Variants in SCHIP1 observed in about 807,000 individuals in gnomAD.
SCHIP1 encodes the protein schwannomin interacting protein 1.
In SCHIP1, 8 loss-of-function variants were observed where a neutral mutation model predicts 29.7. The ratio of observed to expected loss-of-function variants is 0.27; its 90% CI spans 0.16 to 0.49. The LOEUF (loss-of-function observed/expected upper bound fraction) is 0.49. SCHIP1 is among the 20% of genes least tolerant of loss of function. SCHIP1 has a pLI of 0.99. For synonymous variants in SCHIP1, 76 were observed against 94.9 expected, an observed-to-expected ratio of 0.80 and a Z score of 1.16; for missense variants, 193 against 294.6, an observed-to-expected ratio of 0.66 and a Z score of 2.52.
At chr3:159,418,844 T>C in the SCHIP1 span, among the ~76,000 whole-genome samples, 1 of 152,194 alleles carries the variant, frequency 6.6e-6, no homozygotes, top group Non-Finnish European at 1.5e-5. Flanking sequence ...TCTCCTTTCA[T>C]AAAATTCTCT....
the SCHIP1 span, among the ~76,000 whole-genome samples, chr3:159,503,776 A>G: frequency 4.6e-5 from 7 of 152,350 alleles, no homozygotes; most frequent in South Asian, 1.4e-3. Context: ...GTTGCCAACA[A>G]TCATTCAGAA....
the SCHIP1 span, among the ~76,000 whole-genome samples, chr3:159,587,803 C>A: frequency 5.3e-5 from 8 of 152,114 alleles, no homozygotes; most frequent in African/African-American, 1.7e-4. Context: ...TGAACTCATC[C>A]TTTTTTATGG....
intron 1 of SCHIP1, among the ~76,000 whole-genome samples, chr3:159,848,922 G>A (rs1360196847): frequency 6.6e-6 from 1 of 152,230 alleles, no homozygotes; most frequent in South Asian, 2.1e-4. Flanking sequence ...GCTTATCTAC[G>A]TGCTGAGCTT....
the SCHIP1 span, among the ~76,000 whole-genome samples, chr3:159,713,221 AGAGAAAGAAAGG>A: frequency 7.4e-6 from 1 of 135,888 alleles, no homozygotes; most frequent in Non-Finnish European, 1.6e-5. Flanking sequence ...AGAGAGAGAG[AGAGAAAGAAAGG>A]AAGAAAGAAA....
intron 2 of SCHIP1, among the ~76,000 whole-genome samples, chr3:159,885,316 A>G (rs1400960889): frequency 6.6e-6 from 1 of 152,166 alleles, no homozygotes; most frequent in Non-Finnish European, 1.5e-5. Context: ...TGGGGCTACT[A>G]GAGATGCTAG....
the SCHIP1 span, among the ~76,000 whole-genome samples, chr3:159,508,054 C>T: frequency 1.3e-5 from 2 of 152,200 alleles, no homozygotes; most frequent in Non-Finnish European, 2.9e-5. Flanking sequence ...ACCAGCTCCT[C>T]CTTGTACCTC....
the SCHIP1 span, among the ~76,000 whole-genome samples, chr3:159,548,709 AT>A: frequency 1.3e-5 from 2 of 151,794 alleles, no homozygotes; most frequent in Admixed American, 6.6e-5. Context: ...TTAAATTAAA[AT>A]TTTTTTTAGT....
the SCHIP1 span, among the ~76,000 whole-genome samples, chr3:159,663,453 C>G: frequency 0.012 from 1,783 of 152,212 alleles, 46 homozygotes; most frequent in African/African-American, 0.041. Flanking sequence ...CATCCTGCAC[C>G]TGGATGGGGT....
the SCHIP1 span, among the ~76,000 whole-genome samples, chr3:159,276,500 C>G: frequency 6.6e-5 from 10 of 152,292 alleles, no homozygotes; most frequent in African/African-American, 2.4e-4. Context: ...AACTTTCTAT[C>G]AAGTGATTTT....
At chr3:159,334,470 C>T in the SCHIP1 span, among the ~76,000 whole-genome samples, 1 of 152,118 alleles carries the variant, frequency 6.6e-6, no homozygotes, top group Non-Finnish European at 1.5e-5. Context: ...TTTTGGTATA[C>T]ACATCTATGA....
At chr3:159,316,170 C>T in the SCHIP1 span, among the ~76,000 whole-genome samples, 1,057 of 151,674 alleles carry the variant, frequency 7.0e-3, 7 homozygotes, top group Admixed American at 0.025. Flanking sequence ...TCTCTTAGAG[C>T]GACAGAACTA....
chr3:159,725,474 G>T, the SCHIP1 span, among the ~76,000 whole-genome samples: 1 of 151,882 alleles, frequency 6.6e-6, no homozygotes, highest in Non-Finnish European at 1.5e-5. Context: ...TCATCATCTT[G>T]GTCAGGTCTC....
the SCHIP1 span, among the ~76,000 whole-genome samples, chr3:159,297,210 C>T: frequency 6.6e-6 from 1 of 151,064 alleles, no homozygotes; most frequent in Non-Finnish European, 1.5e-5. Context: ...TTGATGGACT[C>T]TTAGGTACTT....
the SCHIP1 span, among the ~76,000 whole-genome samples, chr3:159,320,390 C>T: frequency 1.3e-5 from 2 of 152,160 alleles, no homozygotes; most frequent in African/African-American, 4.8e-5. Context: ...GCACCCTGAT[C>T]TCAGACTTCC....
At chr3:159,463,049 A>G in the SCHIP1 span, among the ~76,000 whole-genome samples, 1 of 151,928 alleles carries the variant, frequency 6.6e-6, no homozygotes, top group Non-Finnish European at 1.5e-5. Context: ...AGTCTATAGA[A>G]TATTGTCAAT....
At chr3:159,322,203 T>C in the SCHIP1 span, among the ~76,000 whole-genome samples, 2 of 152,224 alleles carry the variant, frequency 1.3e-5, no homozygotes, top group South Asian at 4.1e-4. Flanking sequence ...ATTGTCTAAC[T>C]GAGCATCCAC....
the SCHIP1 span, among the ~76,000 whole-genome samples, chr3:159,533,713 T>C: frequency 6.6e-6 from 1 of 152,174 alleles, no homozygotes; most frequent in East Asian, 1.9e-4. Flanking sequence ...CATCCAAGAC[T>C]CTTCCTTCAG....
chr3:159,842,204 A>G (rs1262692799), intron 1 of SCHIP1, among the ~76,000 whole-genome samples: 2 of 152,160 alleles, frequency 1.3e-5, no homozygotes, highest in African/African-American at 4.8e-5. Context: ...TTAGATTAGC[A>G]TTTTTAGTCA....
chr3:159,286,143 G>A, the SCHIP1 span, among the ~76,000 whole-genome samples: 4 of 152,194 alleles, frequency 2.6e-5, no homozygotes, highest in African/African-American at 9.6e-5. Context: ...TGTCATGGGG[G>A]TTTGGTGTAT....
Sources: allele counts gnomAD v4.1 joint callset (sites outside exome capture counted in the v4.1 genomes callset), GRCh38; gene constraint gnomAD v4.1.1; transcripts MANE v1.5; gene names NCBI Gene and HGNC (gene_info 2026-07-23, HGNC 2026-07-21).